P2RX6: variants seen among roughly 807,000 people sequenced by gnomAD.
P2RX6 encodes P2X purinoceptor 6.
A neutral mutation model predicts 54.2 loss-of-function variants in P2RX6; 62 were observed. That is an observed-to-expected ratio of 1.14 (90% CI 0.93 to 1.41). The LOEUF (loss-of-function observed/expected upper bound fraction) is 1.41. Ranked by LOEUF, P2RX6 falls within the 40% of genes most tolerant of loss-of-function variation. The pLI is 0.00. For missense variants in P2RX6, 541 were observed against 566.3 expected (o/e 0.96, Z 0.45); for synonymous variants, 211 against 231.9 (o/e 0.91, Z 0.82).
In P2RX6 at chr22:21,015,967, T is replaced by C; in HGVS notation, c.190T>C (p.Tyr64His). 1 of 1,549,816 alleles carries C rather than the reference T, an allele frequency of 6.5e-7. No individual in the cohort carries two copies. The highest frequency in any genetic ancestry group is 8.7e-7 in the Non-Finnish European group (1 of 1,147,008). ...GTGGGCTCTCCTCGCCAAAAAAGGC[T>C]ACCAGGAGCGGGACCTGGAACCCCA... is the stretch of plus-strand genomic sequence containing the variant. ...VGWALLAKKGYQERDLEPQFS... is the reference protein window; with the variant it reads ...VGWALLAKKGHQERDLEPQFS... The change falls in exon 2 of 12, where the codon TAC (tyrosine) becomes CAC (histidine). Residue 64 changes from tyrosine to histidine, a missense_variant. Tyr to His is a moderately conservative substitution (Grantham distance 83, BLOSUM62 2). Transcript: ENST00000413302.
chr22:21,010,708 C>T (rs1281393017), upstream of P2RX6, among the ~76,000 whole-genome samples: 1 of 152,132 alleles, frequency 6.6e-6, no homozygotes, highest in Non-Finnish European at 1.5e-5. Context: ...CACTCAGGGG[C>T]ATGAGAGTGA....
At chr22:21,017,381 A>C (rs559411718) in intron 2 of P2RX6, among the ~76,000 whole-genome samples, 1 of 152,190 alleles carries the variant, frequency 6.6e-6, no homozygotes, top group African/African-American at 2.4e-5. Context: ...CTTTCTTTCC[A>C]ATGTCCTCGG....
intron 2 of P2RX6, among the ~76,000 whole-genome samples, chr22:21,016,579 ACT>A (rs1270472851): frequency 1.7e-5 from 2 of 115,334 alleles, no homozygotes; most frequent in East Asian, 2.6e-4. Context: ...GCAAAGCGAG[ACT>A]CTGTCTCAAA....
At chr22:21,016,146 C>T (rs942067251) in intron 2 of P2RX6, 54 bp downstream of exon 2, 44 of 1,510,064 alleles carry the variant, frequency 2.9e-5, no homozygotes, top group African/African-American at 2.2e-4. Flanking sequence ...CACTGACAGC[C>T]TGAACACCCG....
intron 8 of P2RX6, among the ~76,000 whole-genome samples, chr22:21,023,952 C>G (rs1215870097): frequency 7.5e-6 from 1 of 132,982 alleles, no homozygotes; most frequent in African/African-American, 3.0e-5. Context: ...TTCTCCCCTT[C>G]AGCTTTGTTT....
intron 8 of P2RX6, among the ~76,000 whole-genome samples, chr22:21,025,508 G>A (rs1229185557): frequency 6.6e-6 from 1 of 152,134 alleles, no homozygotes; most frequent in Non-Finnish European, 1.5e-5. Context: ...AGGGAAGAGT[G>A]AGTTCCCATC....
Position 21,026,260 on chromosome 22 carries a change from T to C in P2RX6, c.1059T>C (p.Phe353=), listed in dbSNP as rs758926510. ...TGAAWLGVVT[F]FCDLLLLYVD... ...GGCCCTGCCTCTCCCAGGTCACCTT[T>C]TTCTGTGACCTGCTACTGCTGTATG... Residue 353 remains phenylalanine, a synonymous_variant, in exon 11 of 12, where the codon TTT becomes TTC. Coordinates refer to ENST00000413302, the MANE Select transcript of P2RX6 (RefSeq NM_005446.5). This position sits in a 1 kb window ranked among gnomAD's most constrained non-coding sequence, Gnocchi z 4.0. 3 of 1,598,696 alleles carry C rather than the reference T, an allele frequency of 1.9e-6. No homozygotes were observed. The highest frequency in any genetic ancestry group is 2.6e-6 in the Non-Finnish European group (3 of 1,173,096).
intron 3 of P2RX6, among the ~76,000 whole-genome samples, chr22:21,020,820 G>T (rs1213315020): frequency 1.3e-5 from 2 of 151,948 alleles, no homozygotes; most frequent in African/African-American, 4.8e-5. Flanking sequence ...TCAAACTCCT[G>T]ACCTCAGGTA....
rs78118594 is a variant in P2RX6 at position 21,022,902 on chromosome 22, C to T, written c.464-40C>T. ...CTGGCTGAAGGCCTCCCCAGGCCTGCAGAGATTTGAAGGTCTGGAGTTCAT... is the reference window on the plus strand; with the variant it reads ...CTGGCTGAAGGCCTCCCCAGGCCTGTAGAGATTTGAAGGTCTGGAGTTCAT... On this transcript the variant is annotated intron_variant, in intron 4 of 11. Coordinates refer to ENST00000413302, the MANE Select transcript of P2RX6 (RefSeq NM_005446.5). 9.1e-4 allele frequency: 1,436 copies of T among 1,575,564 alleles called. 8 individuals carry two copies. The African/African-American group carries it at 0.018, about 19-fold the overall frequency.
intron 7 of P2RX6, 23 bp from the exon 8 acceptor site, chr22:21,023,486 G>A: frequency 6.2e-7 from 1 of 1,613,720 alleles, no homozygotes; most frequent in South Asian, 1.1e-5. Flanking sequence ...CCCACCGGTG[G>A]AAAAGCTATG....
At chr22:21,014,523 G>T (rs1473499003), upstream of P2RX6, among the ~76,000 whole-genome samples, 1 of 152,146 alleles carries the variant, frequency 6.6e-6, no homozygotes, top group African/African-American at 2.4e-5. Flanking sequence ...CATCCTCCCT[G>T]CCTTCCTAGG....
upstream of P2RX6, chr22:21,015,033 T>G: frequency 2.7e-5 from 14 of 526,076 alleles, no homozygotes; most frequent in East Asian, 1.1e-4. Flanking sequence ...GCAGCTGGGA[T>G]TAGGGGTTGA....
chr22:21,016,211 G>C, intron 2 of P2RX6, 119 bp downstream of exon 2: 1 of 1,085,624 alleles, frequency 9.2e-7, no homozygotes, highest in Admixed American at 2.4e-5. Flanking sequence ...ACGGCTGCGG[G>C]TTCTCAGGAA....
intron 2 of P2RX6, among the ~76,000 whole-genome samples, chr22:21,016,521 G>A (rs1293317319): frequency 6.6e-6 from 1 of 150,724 alleles, no homozygotes; most frequent in Admixed American, 6.6e-5. Flanking sequence ...CCCGGGAGGT[G>A]GAGCTTGCAG....
chr22:21,023,675 G>A, intron 8 of P2RX6, 57 bp downstream of exon 8: 1 of 1,312,886 alleles, frequency 7.6e-7, no homozygotes, highest in Non-Finnish European at 1.1e-6. Context: ...TCTCACTGTG[G>A]CGGCCAGGAC....
chr22:21,018,096 G>A (rs1174670499), intron 3 of P2RX6, 36 bp downstream of exon 3: 1 of 1,473,036 alleles, frequency 6.8e-7, no homozygotes, highest in Non-Finnish European at 9.5e-7. Flanking sequence ...CGGGTCCCTT[G>A]TTCCTCCATC....
intron 2 of P2RX6, among the ~76,000 whole-genome samples, chr22:21,017,277 C>T (rs574398020): frequency 5.9e-5 from 9 of 152,360 alleles, no homozygotes; most frequent in African/African-American, 2.2e-4. Flanking sequence ...ATGGCTGCCA[C>T]TCCCAGCACC....
intron 3 of P2RX6, 145 bp from the exon 4 acceptor site, chr22:21,022,531 G>A: frequency 1.7e-6 from 1 of 571,772 alleles, no homozygotes; most frequent in Non-Finnish European, 3.0e-6. Flanking sequence ...CCACACTCAG[G>A]GTACTCTGGC....
chr22:21,022,888 C>G (rs1489024156), intron 4 of P2RX6, 54 bp from the exon 5 acceptor site: 11 of 1,544,284 alleles, frequency 7.1e-6, no homozygotes, highest in Non-Finnish European at 9.8e-6. Context: ...TGGCTGAAGG[C>G]CTCCCCAGGC....
Sources: gnomAD v4.1 joint callset for allele counts (sites outside exome capture counted in the v4.1 genomes callset) on GRCh38, gnomAD v4.1.1 for gene constraint, Gnocchi (gnomAD v3.1) non-coding constraint, MANE v1.5 for transcripts, NCBI Gene and HGNC (gene_info 2026-07-23, HGNC 2026-07-21) for gene names.